The following SV2C variants were observed in gnomAD, a reference collection of about 807,000 sequenced individuals.
SV2C encodes the protein solute carrier family 22 member B3.
In SV2C, 49 loss-of-function variants were observed where a neutral mutation model predicts 79.7. The observed-to-expected ratio is 0.61, with a 90% CI of 0.49 to 0.78. The LOEUF is 0.78. SV2C is among the 30% of genes least tolerant of loss of function. SV2C has a pLI of 0.00. For missense variants in SV2C, 833 were observed against 912.9 expected, an observed-to-expected ratio of 0.91 and a Z score of 1.13; for synonymous variants, 334 against 333.2, an observed-to-expected ratio of 1.00 and a Z score of -0.03.
intron 4 of SV2C, among the ~76,000 whole-genome samples, chr5:76,273,170 T>TAC (rs1554044456): frequency 0.023 from 2,808 of 121,958 alleles, 86 homozygotes; most frequent in African/African-American, 0.078. Flanking sequence ...TATATATATA[T>TAC]ACACACATAT....
At chr5:76,279,420 CCAGT>C (rs1747116255) in intron 4 of SV2C, among the ~76,000 whole-genome samples, 1 of 152,052 alleles carries the variant, frequency 6.6e-6, no homozygotes, top group Admixed American at 6.5e-5. Flanking sequence ...CCTTTGGGGG[CCAGT>C]CAGAGGAGCC....
At chr5:76,036,651 A>G in the SV2C span, among the ~76,000 whole-genome samples, 121,757 of 152,112 alleles carry the variant, frequency 0.8, 49,543 homozygotes, top group African/African-American at 0.95. Context: ...AGGGTAACCC[A>G]ACCTTTGTCT....
chr5:76,335,937 T>C (rs549386248), downstream of SV2C, among the ~76,000 whole-genome samples: 102 of 152,254 alleles, frequency 6.7e-4, no homozygotes, highest in Non-Finnish European at 1.2e-3. Flanking sequence ...AGCTGTTGGG[T>C]ACACCTCCCA....
At position 76,325,465 on chromosome 5, in the gene SV2C, T is replaced by C. The variant is rs1748965967; in HGVS notation, c.2102T>C (p.Ile701Thr). 6.2e-7 allele frequency: 1 copy of C among 1,614,028 alleles called. No homozygotes were observed. The change falls in exon 13 of 13, where the codon ATC (isoleucine) becomes ACC (threonine). Residue 701 changes from isoleucine to threonine, a missense_variant. By Grantham distance (89) the Ile-to-Thr change is moderately conservative. Coordinates refer to ENST00000502798, the MANE Select transcript of SV2C (RefSeq NM_014979.4). ...SLVSITKSIP[I>T]LLASTVLVCG... The stretch of plus-strand genomic sequence containing the variant: ...GTCAGCATCACCAAATCAATCCCCA[T>C]CCTGCTGGCTTCTACTGTGCTCGTG...
chr5:76,301,105 A>G (rs1283853025), intron 11 of SV2C, among the ~76,000 whole-genome samples, 173 bp downstream of exon 11: 1 of 152,228 alleles, frequency 6.6e-6, no homozygotes, highest in East Asian at 1.9e-4. Context: ...ATTTCATTTG[A>G]GTGGTTTCCA....
chr5:76,197,080 T>C (rs752028097), intron 3 of SV2C, among the ~76,000 whole-genome samples: 1 of 152,230 alleles, frequency 6.6e-6, no homozygotes, highest in Non-Finnish European at 1.5e-5. Flanking sequence ...CCCATTATCA[T>C]GGAGTCTTAG....
the SV2C span, among the ~76,000 whole-genome samples, chr5:75,853,373 G>T: frequency 6.6e-6 from 1 of 151,638 alleles, no homozygotes; most frequent in Non-Finnish European, 1.5e-5. Flanking sequence ...TGGCTAACAC[G>T]GTGAAACCCT....
intron 6 of SV2C, among the ~76,000 whole-genome samples, chr5:76,287,527 TC>T (rs1464769976): frequency 6.6e-6 from 1 of 152,112 alleles, no homozygotes; most frequent in Admixed American, 6.5e-5. Flanking sequence ...GACACTAAGG[TC>T]CTGCCAGTCT....
chr5:75,902,558 C>T, the SV2C span, among the ~76,000 whole-genome samples: 10 of 152,280 alleles, frequency 6.6e-5, no homozygotes, highest in African/African-American at 1.9e-4. Flanking sequence ...TCTTATCCTT[C>T]GGGGTTGAAA....
chr5:76,028,999 A>C, the SV2C span, among the ~76,000 whole-genome samples: 1 of 152,244 alleles, frequency 6.6e-6, no homozygotes, highest in African/African-American at 2.4e-5. Flanking sequence ...GGAGAATGCA[A>C]TAAGTAAGTG....
At chr5:76,302,160 C>CCTAT (rs1368409158) in intron 12 of SV2C, among the ~76,000 whole-genome samples, 2 of 152,126 alleles carry the variant, frequency 1.3e-5, no homozygotes, top group South Asian at 4.1e-4. Flanking sequence ...AGTTTAATAG[C>CCTAT]CTATCTTAGC....
At chr5:76,107,596 G>T (rs1747960956) in intron 1 of SV2C, among the ~76,000 whole-genome samples, 1 of 152,182 alleles carries the variant, frequency 6.6e-6, no homozygotes, top group South Asian at 2.1e-4. Flanking sequence ...GGACATGGTG[G>T]CTCACGCCTG....
intron 2 of SV2C, among the ~76,000 whole-genome samples, chr5:76,164,502 T>C (rs1316309913): frequency 1.3e-5 from 2 of 152,228 alleles, no homozygotes; most frequent in East Asian, 1.9e-4. Flanking sequence ...ATTTAACTTA[T>C]GTTGTCTCCA....
the SV2C span, among the ~76,000 whole-genome samples, chr5:76,072,083 T>A: frequency 6.6e-6 from 1 of 152,114 alleles, no homozygotes; most frequent in Admixed American, 6.5e-5. Context: ...AAGGGGCACA[T>A]GTTTGTTTGT....
the SV2C span, among the ~76,000 whole-genome samples, chr5:75,992,116 T>C: frequency 6.6e-6 from 1 of 151,974 alleles, no homozygotes; most frequent in Non-Finnish European, 1.5e-5. Context: ...AAAATTGACA[T>C]GTTTATAATA....
chr5:76,353,859 G>A (rs908384331), exon 13 of SV2C: 2 of 152,122 alleles, frequency 1.3e-5, no homozygotes, highest in African/African-American at 4.8e-5. Flanking sequence ...GACATAATAT[G>A]TACTTCTTTG....
chr5:76,273,661 T>C (rs1343824252), intron 4 of SV2C, among the ~76,000 whole-genome samples: 1 of 152,130 alleles, frequency 6.6e-6, no homozygotes, highest in African/African-American at 2.4e-5. Context: ...GACCAGAGCT[T>C]GGAAACAGAA....
chr5:75,904,223 A>G, the SV2C span, among the ~76,000 whole-genome samples: 10 of 152,282 alleles, frequency 6.6e-5, no homozygotes, highest in African/African-American at 1.9e-4. Context: ...GCATATAAAA[A>G]TATCATTTAT....
intron 4 of SV2C, among the ~76,000 whole-genome samples, chr5:76,225,935 G>A (rs1368472220): frequency 6.6e-6 from 1 of 152,168 alleles, no homozygotes; most frequent in Non-Finnish European, 1.5e-5. Context: ...GAAGCCAGAG[G>A]TGCTTCTAGG....
Sources: gnomAD v4.1 joint callset for allele counts (sites outside exome capture counted in the v4.1 genomes callset) on GRCh38, gnomAD v4.1.1 for gene constraint, MANE v1.5 for transcripts, NCBI Gene and HGNC (gene_info 2026-07-23, HGNC 2026-07-21) for gene names.